DCDC1: variants seen among roughly 807,000 people sequenced by gnomAD.
The protein encoded by DCDC1 is doublecortin domain-containing protein 1.
A neutral mutation model predicts 178.3 loss-of-function variants in DCDC1; 200 were observed. The observed-to-expected ratio is 1.12, with a 90% CI of 1.00 to 1.26. The LOEUF (loss-of-function observed/expected upper bound fraction) is 1.26, where lower values mean the gene tolerates loss of function less well. Among genes scored for constraint, DCDC1 ranks in the 50% most tolerant of loss-of-function variants. The pLI, the probability that DCDC1 is intolerant of heterozygous loss-of-function variation, is 0.00. For synonymous variants in DCDC1, 690 were observed against 604.8 expected (o/e 1.14, Z -2.07); for missense variants, 1,983 against 1,749.2 (o/e 1.13, Z -2.38).
At chr11:30,979,311 G>A (rs1360973482) in intron 20 of DCDC1, among the ~76,000 whole-genome samples, 3 of 152,152 alleles carry the variant, frequency 2.0e-5, no homozygotes, top group African/African-American at 4.8e-5. Flanking sequence ...TACTGTGGAG[G>A]AACACCTATC....
intron 20 of DCDC1, among the ~76,000 whole-genome samples, chr11:30,991,229 G>A (rs926970688): frequency 6.6e-6 from 1 of 152,092 alleles, no homozygotes; most frequent in African/African-American, 2.4e-5. Context: ...GGAGGAGAGA[G>A]GCAGCATAGC....
chr11:30,967,731 A>G (rs112317777), intron 20 of DCDC1, among the ~76,000 whole-genome samples: 52 of 152,262 alleles, frequency 3.4e-4, no homozygotes, highest in African/African-American at 1.2e-3. Context: ...AGTATCTCCA[A>G]TTCAGAAATA....
At chr11:31,106,603 GAC>G (rs1565291247) in intron 13 of DCDC1, among the ~76,000 whole-genome samples, 192 bp downstream of exon 13, 82 of 152,302 alleles carry the variant, frequency 5.4e-4, no homozygotes, top group African/African-American at 1.9e-3. Context: ...GAAAGTCACA[GAC>G]AGAGATAGAG....
chr11:31,292,980 C>T (rs866913801), intron 6 of DCDC1, among the ~76,000 whole-genome samples: 8 of 152,198 alleles, frequency 5.3e-5, no homozygotes, highest in Middle Eastern at 3.4e-3. Context: ...CTTCAAACTA[C>T]GTTTGAACCC....
intron 38 of DCDC1, among the ~76,000 whole-genome samples, chr11:30,866,990 A>C (rs1322557615): frequency 6.6e-6 from 1 of 152,156 alleles, no homozygotes; most frequent in Admixed American, 6.5e-5. Flanking sequence ...ACCATACACC[A>C]GTGCCTTGAT....
chr11:31,358,039 T>A (rs1288035512), intron 1 of DCDC1, among the ~76,000 whole-genome samples: 1 of 151,756 alleles, frequency 6.6e-6, no homozygotes, highest in East Asian at 1.9e-4. Context: ...TTCAATGCCA[T>A]CCCCATCAAG....
chr11:31,117,507 G>A (rs889033470), intron 11 of DCDC1, among the ~76,000 whole-genome samples: 11 of 152,154 alleles, frequency 7.2e-5, no homozygotes, highest in Middle Eastern at 3.4e-3. Context: ...CCTAATGGAG[G>A]GCTGGAGCAG....
At chr11:30,916,412 G>T (rs1356438601) in intron 26 of DCDC1, among the ~76,000 whole-genome samples, 1 of 152,126 alleles carries the variant, frequency 6.6e-6, no homozygotes, top group Non-Finnish European at 1.5e-5. Context: ...AATGTCTAAA[G>T]ATTATGAAAT....
intron 20 of DCDC1, among the ~76,000 whole-genome samples, chr11:30,983,422 T>C (rs1170075387): frequency 1.3e-5 from 2 of 152,216 alleles, no homozygotes; most frequent in Admixed American, 1.3e-4. Context: ...GTCAGAATTA[T>C]GTTGCATAAA....
chr11:30,908,935 G>T lies in DCDC1; in HGVS notation c.3918+11C>A, dbSNP rs201404218. 14 of 1,573,160 alleles carry T rather than the reference G, an allele frequency of 8.9e-6. No homozygotes were observed. The highest frequency in any genetic ancestry group is 1.0e-5 in the Non-Finnish European group (12 of 1,157,794). On this transcript the variant is annotated intron_variant, in intron 29 of 38. Coordinates refer to ENST00000684477, the MANE Select transcript of DCDC1 (RefSeq NM_001387274.1). ...TTTTTCTTTTATCTTTGAGAGGAAG[G>T]AACCACTTACTGGTTGATCAATGTT... is the stretch of plus-strand genomic sequence containing the variant.
At chr11:31,243,897 C>T (rs1028794048) in intron 8 of DCDC1, among the ~76,000 whole-genome samples, 1 of 151,660 alleles carries the variant, frequency 6.6e-6, no homozygotes, top group African/African-American at 2.4e-5. Flanking sequence ...GAAGCAGGGT[C>T]CTCATTATAA....
chr11:31,217,806 A>G (rs1271350461), intron 9 of DCDC1, among the ~76,000 whole-genome samples: 1 of 152,180 alleles, frequency 6.6e-6, no homozygotes, highest in Non-Finnish European at 1.5e-5. Context: ...AAAAGTCACT[A>G]AAGTAATATC....
At chr11:31,333,182 T>C (rs1950091299) in intron 2 of DCDC1, among the ~76,000 whole-genome samples, 1 of 152,230 alleles carries the variant, frequency 6.6e-6, no homozygotes, top group African/African-American at 2.4e-5. Flanking sequence ...AAGTCTGTTT[T>C]ATCAGAGACT....
chr11:31,082,210 G>C (rs779282240), intron 17 of DCDC1, among the ~76,000 whole-genome samples: 1 of 152,180 alleles, frequency 6.6e-6, no homozygotes, highest in Non-Finnish European at 1.5e-5. Context: ...AAGGTTGAGA[G>C]ACTTGAGTTC....
intron 20 of DCDC1, among the ~76,000 whole-genome samples, chr11:30,967,883 C>T (rs1248631503): frequency 6.6e-6 from 1 of 151,884 alleles, no homozygotes; most frequent in African/African-American, 2.4e-5. Flanking sequence ...AGAGGTCCCA[C>T]ATGAAAAGGA....
intron 9 of DCDC1, among the ~76,000 whole-genome samples, chr11:31,227,559 C>T (rs192138081): frequency 6.6e-6 from 1 of 151,946 alleles, no homozygotes; most frequent in African/African-American, 2.4e-5. Context: ...CACAAAGAAA[C>T]TTATTTTATC....
intron 21 of DCDC1, among the ~76,000 whole-genome samples, chr11:30,947,025 T>G (rs543866305): frequency 1.8e-4 from 28 of 152,150 alleles, no homozygotes; most frequent in Non-Finnish European, 3.7e-4. Flanking sequence ...ATGTTACAAG[T>G]AAAACAGACT....
intron 20 of DCDC1, among the ~76,000 whole-genome samples, chr11:31,045,901 C>G (rs1954809641): frequency 6.6e-6 from 1 of 152,160 alleles, no homozygotes; most frequent in Admixed American, 6.5e-5. Flanking sequence ...ATTTTCCAAG[C>G]TTCTCCAGTG....
intron 20 of DCDC1, among the ~76,000 whole-genome samples, chr11:30,993,110 C>T (rs910982678): frequency 6.6e-6 from 1 of 152,044 alleles, no homozygotes; most frequent in African/African-American, 2.4e-5. Flanking sequence ...ACTTTTCTAG[C>T]ATATAGCAAA....
Sources: gnomAD v4.1 joint callset for allele counts (sites outside exome capture counted in the v4.1 genomes callset) on GRCh38, gnomAD v4.1.1 for gene constraint, MANE v1.5 for transcripts, NCBI Gene and HGNC (gene_info 2026-07-23, HGNC 2026-07-21) for gene names.